Variants in MYH11 observed in about 807,000 individuals in gnomAD.
The protein encoded by MYH11 is myosin-11.
A neutral mutation model predicts 246.6 loss-of-function variants in MYH11; 80 were observed. That is an observed-to-expected ratio of 0.32 (90% CI 0.27 to 0.39). The LOEUF is 0.39. Among genes scored for constraint, MYH11 ranks in the 10% least tolerant of loss-of-function variants. The pLI, the probability that MYH11 is intolerant of heterozygous loss-of-function variation, is 1.00. For missense variants in MYH11, 2,158 were observed against 2,546.8 expected (o/e 0.85, Z 3.29); for synonymous variants, 1,071 against 1,015.5 (o/e 1.05, Z -1.04).
At chr16:15,742,511 G>A (rs2041302354) in intron 20 of MYH11, among the ~76,000 whole-genome samples, 1 of 152,204 alleles carries the variant, frequency 6.6e-6, no homozygotes, top group South Asian at 2.1e-4. Context: ...GGAGGCCGAG[G>A]CAAGCGCTTG....
intron 40 of MYH11, among the ~76,000 whole-genome samples, chr16:15,706,307 A>C (rs1234410441): frequency 6.6e-6 from 1 of 152,044 alleles, no homozygotes; most frequent in African/African-American, 2.4e-5. Context: ...CAAGCGCTTG[A>C]CTCAGAAGGA....
intron 4 of MYH11, among the ~76,000 whole-genome samples, chr16:15,794,583 C>G (rs1231889561): frequency 6.6e-6 from 1 of 152,178 alleles, no homozygotes; most frequent in African/African-American, 2.4e-5. Context: ...ACACAATAGC[C>G]AAGTAAACAA....
intron 9 of MYH11, among the ~76,000 whole-genome samples, chr16:15,771,297 A>C (rs2042094023): frequency 6.6e-6 from 1 of 151,580 alleles, no homozygotes; most frequent in Non-Finnish European, 1.5e-5. Context: ...ACTGTGCCTA[A>C]CCTCCCTGAA....
At chr16:15,850,488 G>T (rs1041881660) in intron 1 of MYH11, among the ~76,000 whole-genome samples, 7 of 152,188 alleles carry the variant, frequency 4.6e-5, no homozygotes, top group Non-Finnish European at 1.0e-4. Context: ...GGATTTTACT[G>T]CCAAGCCATT....
intron 27 of MYH11, 32 bp downstream of exon 27, chr16:15,732,532 C>T (rs1411964604): frequency 1.9e-6 from 3 of 1,613,806 alleles, no homozygotes; most frequent in Non-Finnish European, 2.5e-6. Flanking sequence ...TCTTATGTGT[C>T]ATCACCAAAA....
chr16:15,706,318 T>C (rs924964284), intron 40 of MYH11, among the ~76,000 whole-genome samples: 21 of 152,146 alleles, frequency 1.4e-4, no homozygotes, highest in Admixed American at 3.9e-4. Flanking sequence ...CTCAGAAGGA[T>C]GCTCAAATTC....
At chr16:15,744,472 C>T (rs531260166) in intron 20 of MYH11, among the ~76,000 whole-genome samples, 16 of 150,640 alleles carry the variant, frequency 1.1e-4, no homozygotes, top group Admixed American at 8.0e-4. Flanking sequence ...GGATTACAGC[C>T]GTGAGCCACC....
intron 5 of MYH11, 82 bp from the exon 6 acceptor site, chr16:15,782,559 C>G (rs974749191): frequency 1.8e-6 from 2 of 1,135,056 alleles, no homozygotes; most frequent in African/African-American, 3.1e-5. Context: ...TGTCACAAAA[C>G]TCTGCCCTTA....
intron 1 of MYH11, among the ~76,000 whole-genome samples, chr16:15,845,825 C>T (rs2044176364): frequency 6.6e-6 from 1 of 152,060 alleles, no homozygotes; most frequent in African/African-American, 2.4e-5. Flanking sequence ...AGTGTGATGG[C>T]TCATGCCTAT....
At chr16:15,709,379 A>C (rs566925727) in intron 40 of MYH11, among the ~76,000 whole-genome samples, 12 of 151,556 alleles carry the variant, frequency 7.9e-5, no homozygotes, top group African/African-American at 1.9e-4. Context: ...GGCATGATCT[A>C]TCTCTGCTCA....
At chr16:15,754,049 T>TA (rs2041646599) in intron 14 of MYH11, among the ~76,000 whole-genome samples, 1 of 85,578 alleles carries the variant, frequency 1.2e-5, no homozygotes, top group African/African-American at 4.6e-5. Flanking sequence ...CTACTAAAAA[T>TA]ACAAAAAAAA....
intron 31 of MYH11, among the ~76,000 whole-genome samples, chr16:15,723,119 A>G (rs2040571593): frequency 6.6e-6 from 1 of 152,164 alleles, no homozygotes; most frequent in Non-Finnish European, 1.5e-5. Context: ...ATGTATCTTA[A>G]AAGTTGGTAT....
chr16:15,825,700 T>G (rs76264182), intron 2 of MYH11, among the ~76,000 whole-genome samples: 2,099 of 152,202 alleles, frequency 0.014, 50 homozygotes, highest in African/African-American at 0.048. Flanking sequence ...TAGGAGCATC[T>G]GAAAATAATC....
intron 3 of MYH11, among the ~76,000 whole-genome samples, chr16:15,810,185 C>A (rs1183751410): frequency 1.3e-5 from 2 of 151,782 alleles, no homozygotes; most frequent in Non-Finnish European, 1.5e-5. Context: ...AGTCGCCCAC[C>A]ACCATGCCTG....
chr16:15,706,934 C>T (rs1258523935), intron 40 of MYH11, among the ~76,000 whole-genome samples: 2 of 152,124 alleles, frequency 1.3e-5, no homozygotes, highest in African/African-American at 2.4e-5. Context: ...AAGTGCTTTT[C>T]TTGGAACTGG....
In MYH11 at chr16:15,743,708, G is replaced by A. The variant is rs945375945; in HGVS notation, c.2520+1421C>T. Among the ~76,000 whole-genome samples, 9 of 152,216 alleles carry A rather than the reference G, an allele frequency of 5.9e-5. 1 individual carries two copies. The South Asian group carries it at 6.2e-4, about 11-fold the overall frequency. On this transcript the variant is annotated intron_variant, in intron 20 of 40. Coordinates refer to ENST00000300036, the MANE Select transcript of MYH11 (RefSeq NM_002474.3). ...TTTATTGTTTACTCCCCACCAATTCGGCTAGAATATTCATGGAGGTCAGGG... is the reference window on the plus strand; with the variant it reads ...TTTATTGTTTACTCCCCACCAATTCAGCTAGAATATTCATGGAGGTCAGGG...
chr16:15,712,646 G>T (rs746831268), intron 40 of MYH11, among the ~76,000 whole-genome samples: 1 of 152,052 alleles, frequency 6.6e-6, no homozygotes, highest in Non-Finnish European at 1.5e-5. Flanking sequence ...AGCAGGTTTC[G>T]AGGTGAGGGA....
intron 38 of MYH11, among the ~76,000 whole-genome samples, chr16:15,716,886 G>A (rs1474158145): frequency 6.6e-6 from 1 of 152,212 alleles, no homozygotes; most frequent in Non-Finnish European, 1.5e-5. Context: ...TGCTGGGAAG[G>A]CAGGTTAATG....
chr16:15,715,176 C>T lies in MYH11; in HGVS notation c.5601G>A (p.Gln1867=), dbSNP rs2040056033. The change falls in exon 39 of 41, where the codon CAG becomes CAA. Residue 1867 remains glutamine (Q), a synonymous_variant. Transcript: ENST00000300036. ...QVEDERKMAE[Q]YKEQAEKGNA... is the part of the protein sequence containing the mutation. ...TGGCAGGGGCTACCTGCTCCTTGTA[C>T]TGCTCGGCCATCTTGCGCTCGTCCT... The T allele has an allele frequency of 6.2e-7, 1 of 1,613,660 alleles. No homozygotes were observed. The highest frequency in any genetic ancestry group is 1.7e-5 in the Admixed American group (1 of 59,998).
Sources: gnomAD v4.1 joint callset for allele counts (sites outside exome capture counted in the v4.1 genomes callset) on GRCh38, gnomAD v4.1.1 for gene constraint, MANE v1.5 for transcripts, NCBI Gene and HGNC (gene_info 2026-07-23, HGNC 2026-07-21) for gene names.